NEXMIF: variants seen among roughly 807,000 people sequenced by gnomAD.
The protein encoded by NEXMIF is neurite extension and migration factor.
A neutral mutation model predicts 62.1 loss-of-function variants in NEXMIF; 8 were observed. That is an observed-to-expected ratio of 0.13 (90% confidence interval 0.08 to 0.23). NEXMIF has a LOEUF of 0.23. Ranked by LOEUF, NEXMIF falls within the 10% of genes least tolerant of loss-of-function variation. The probability of loss-of-function intolerance (pLI) is 1.00; values close to 1 mark genes in which losing one functional copy is unlikely to be tolerated. For synonymous variants in NEXMIF, 404 were observed against 416.6 expected, an observed-to-expected ratio of 0.97 and a Z score of 0.37; for missense variants, 976 against 1,113.3, an observed-to-expected ratio of 0.88 and a Z score of 1.75.
intron 1 of NEXMIF, among the ~76,000 whole-genome samples, chrX:74,877,125 G>A: frequency 8.9e-6 from 1 of 111,798 alleles, no homozygotes; most frequent in African/African-American, 3.2e-5. Context: ...TGCAGCAGCT[G>A]GTACAGGTCG....
chrX:74,894,464 G>A (rs1184289993), intron 1 of NEXMIF, among the ~76,000 whole-genome samples: 4 of 111,139 alleles, frequency 3.6e-5, no homozygotes, highest in Non-Finnish European at 5.7e-5. Context: ...AAAGGAGGAA[G>A]GAATACTTCC....
At chrX:74,812,848 C>T (rs762231941) in intron 1 of NEXMIF, among the ~76,000 whole-genome samples, 3 of 111,666 alleles carry the variant, frequency 2.7e-5, no homozygotes, top group Non-Finnish European at 5.6e-5. Flanking sequence ...AGAGGCAGAA[C>T]CAGGGGCACA....
In NEXMIF at chrX:74,881,872, C is replaced by T. The variant is rs768909126; in HGVS notation, c.-48+43011G>A. On this transcript the variant is annotated intron_variant, in intron 1 of 3. Transcript: ENST00000055682. Reference sequence around the variant, plus strand: ...GTTATGGGTTTTCACGACTAGAAGTCCCTCTGAGCAACAGGAAAGGGCCTC... The same window carrying T: ...GTTATGGGTTTTCACGACTAGAAGTTCCTCTGAGCAACAGGAAAGGGCCTC... Among the ~76,000 whole-genome samples, 14 of 111,630 alleles carry T rather than the reference C, an allele frequency of 1.3e-4. No homozygotes were observed. The East Asian group carries it at 3.1e-3, about 25-fold the overall frequency.
chrX:74,855,187 A>C (rs1333314564), intron 1 of NEXMIF, among the ~76,000 whole-genome samples: 1 of 112,220 alleles, frequency 8.9e-6, no homozygotes, highest in Non-Finnish European at 1.9e-5. Context: ...TGTAGTACCC[A>C]AAACAGCATG....
At position 74,744,085 on chromosome X, in the gene NEXMIF, C is replaced by T. The variant is rs1433652479; in HGVS notation, c.472G>A (p.Asp158Asn). 1 of 1,209,971 alleles carries T rather than the reference C, an allele frequency of 8.3e-7. No individual in the cohort carries two copies. The highest frequency in any genetic ancestry group is 1.7e-5 in the African/African-American group (1 of 57,182). Residue 158 changes from aspartate to asparagine, a missense_variant, in exon 3 of 4, where the codon GAT becomes AAT. Physicochemically the swap from Asp to Asn is conservative, Grantham distance 23 (BLOSUM62 1). Coordinates refer to ENST00000055682, the MANE Select transcript of NEXMIF (RefSeq NM_001008537.3). ...GCFMESKDAV[D>N]PEPGISLKVG... is the part of the protein sequence containing the mutation. ...TTCAGACTGATCCCTGGCTCAGGATCTACTGCATCCTTGGATTCCATGAAG... is the reference window on the plus strand; with the variant it reads ...TTCAGACTGATCCCTGGCTCAGGATTTACTGCATCCTTGGATTCCATGAAG...
chrX:74,740,456 G>A lies in NEXMIF; in HGVS notation c.4101C>T (p.Leu1367=). The A allele has an allele frequency of 8.3e-7, 1 of 1,211,148 alleles. No individual in the cohort carries two copies. Among genetic ancestry groups the A allele is most frequent in the Non-Finnish European group, 1.1e-6 (1 of 895,252 alleles). Residue 1367 remains leucine, a synonymous_variant, in exon 3 of 4, where the codon CTC becomes CTT. Coordinates refer to ENST00000055682, the MANE Select transcript of NEXMIF (RefSeq NM_001008537.3). ...CCTGTGGTGTCCCAGCCAATATTTT[G>A]AGGGTTTTTAATTTTAGACTATTGG... ...PESNSLKLKT[L]KILAGTPQES...
rs1057046332 is a variant in NEXMIF at position 74,740,699 on chromosome X, C to T, written c.3858G>A (p.Gly1286=). 1.6e-6 allele frequency: 2 copies of T among 1,212,127 alleles called. No individual in the cohort carries two copies. The highest frequency in any genetic ancestry group is 2.2e-5 in the Admixed American group (1 of 46,101). The change falls in exon 3 of 4, where the codon GGG becomes GGA. Residue 1286 remains glycine (G), a synonymous_variant. Transcript: ENST00000055682. ...QKGLSGDWAL[G]KESSPGWSDM... ...CACTCCAGCCTGGGCTGCTCTCCTT[C>T]CCCAAGGCCCAATCTCCAGAAAGTC...
intron 1 of NEXMIF, among the ~76,000 whole-genome samples, chrX:74,753,006 G>A (rs1230063682): frequency 9.0e-6 from 1 of 111,528 alleles, no homozygotes; most frequent in Non-Finnish European, 1.9e-5. Context: ...CGAGTCCTCT[G>A]AAGAACCACA....
At chrX:74,880,141 G>T (rs138449077) in intron 1 of NEXMIF, among the ~76,000 whole-genome samples, 1 of 112,024 alleles carries the variant, frequency 8.9e-6, no homozygotes, top group African/African-American at 3.2e-5. Context: ...TAGTTTTTAT[G>T]TAAGTCACTC....
intron 1 of NEXMIF, among the ~76,000 whole-genome samples, chrX:74,879,072 A>G (rs747767215): frequency 1.8e-5 from 2 of 111,943 alleles, no homozygotes; most frequent in Non-Finnish European, 3.8e-5. Flanking sequence ...CTGTGTTACA[A>G]TTTTCTACAG....
chrX:74,797,020 C>T (rs1356438056), intron 1 of NEXMIF, among the ~76,000 whole-genome samples: 1 of 111,793 alleles, frequency 8.9e-6, no homozygotes, highest in Non-Finnish European at 1.9e-5. Context: ...ATTATGTGCG[C>T]CTTGAAATAA....
At chrX:74,893,727 T>C (rs1166471524) in intron 1 of NEXMIF, among the ~76,000 whole-genome samples, 3 of 111,968 alleles carry the variant, frequency 2.7e-5, no homozygotes, top group Admixed American at 1.9e-4. Flanking sequence ...AAGTCTAATA[T>C]TGGAATCATA....
chrX:74,827,563 G>C (rs1428072665), intron 1 of NEXMIF, among the ~76,000 whole-genome samples: 3 of 112,249 alleles, frequency 2.7e-5, no homozygotes, highest in Non-Finnish European at 5.6e-5. Context: ...ATTCCAACTG[G>C]ACAGGTACTT....
At chrX:74,873,138 C>T (rs920833373) in intron 1 of NEXMIF, among the ~76,000 whole-genome samples, 1 of 110,300 alleles carries the variant, frequency 9.1e-6, no homozygotes, top group African/African-American at 3.3e-5. Context: ...TATCCCTCCC[C>T]CATCCCCCAA....
intron 1 of NEXMIF, among the ~76,000 whole-genome samples, chrX:74,791,154 A>T (rs1300721578): frequency 9.0e-6 from 1 of 111,208 alleles, no homozygotes; most frequent in Non-Finnish European, 1.9e-5. Flanking sequence ...ACGTCCCATC[A>T]ATACCTAATT....
At chrX:74,821,717 G>T (rs1452774457) in intron 1 of NEXMIF, among the ~76,000 whole-genome samples, 1 of 111,578 alleles carries the variant, frequency 9.0e-6, no homozygotes, top group Non-Finnish European at 1.9e-5. Flanking sequence ...AAATTTTAAG[G>T]GGTTGAAAAT....
chrX:74,818,581 A>T (rs1467341829), intron 1 of NEXMIF, among the ~76,000 whole-genome samples: 1 of 112,291 alleles, frequency 8.9e-6, no homozygotes, highest in Non-Finnish European at 1.9e-5. Flanking sequence ...CCTCAAAAGG[A>T]ATTATAACAA....
chrX:74,889,888 C>G (rs1034356135), intron 1 of NEXMIF, among the ~76,000 whole-genome samples: 6 of 110,292 alleles, frequency 5.4e-5, no homozygotes, highest in African/African-American at 2.0e-4. Context: ...CTTCAGTCTG[C>G]TTTAGTTTTC....
At chrX:74,850,333 CTCTT>C (rs1300562082) in intron 1 of NEXMIF, among the ~76,000 whole-genome samples, 1 of 112,282 alleles carries the variant, frequency 8.9e-6, no homozygotes, top group Non-Finnish European at 1.9e-5. Context: ...ACTGCCATCA[CTCTT>C]TCCAAGCCCA....
Sources: allele counts gnomAD v4.1 joint callset (sites outside exome capture counted in the v4.1 genomes callset), GRCh38; gene constraint gnomAD v4.1.1; transcripts MANE v1.5; gene names NCBI Gene and HGNC (gene_info 2026-07-23, HGNC 2026-07-21).